Variants in SH2D4A observed in about 807,000 individuals in gnomAD.
The protein encoded by SH2D4A is SH2 domain-containing protein 4A.
Under a neutral mutation model 64.7 loss-of-function variants are expected in SH2D4A, and 70 were observed. The ratio of observed to expected loss-of-function variants is 1.08; its 90% CI spans 0.89 to 1.32. The LOEUF (loss-of-function observed/expected upper bound fraction) is 1.32. Among genes scored for constraint, SH2D4A ranks in the 40% most tolerant of loss-of-function variants. The pLI is 0.00. For missense variants in SH2D4A, 706 were observed against 540.1 expected, an observed-to-expected ratio of 1.31 and a Z score of -3.04; for synonymous variants, 268 against 200.7, an observed-to-expected ratio of 1.34 and a Z score of -2.83.
chr8:19,390,632 A>G (rs1270261493), intron 8 of SH2D4A, among the ~76,000 whole-genome samples: 5 of 152,208 alleles, frequency 3.3e-5, no homozygotes, highest in African/African-American at 1.2e-4. Context: ...CAAAAAAAGC[A>G]AAGACAAACT....
intron 8 of SH2D4A, among the ~76,000 whole-genome samples, chr8:19,381,223 T>C (rs1409840425): frequency 6.6e-6 from 1 of 152,134 alleles, no homozygotes; most frequent in East Asian, 1.9e-4. Context: ...CTAATTTTTG[T>C]ATTTTTAGTA....
At chr8:19,344,476 T>G (rs1248132175) in intron 4 of SH2D4A, among the ~76,000 whole-genome samples, 1 of 152,180 alleles carries the variant, frequency 6.6e-6, no homozygotes, top group African/African-American at 2.4e-5. Flanking sequence ...TACTTCTTCT[T>G]CTGCTGTCTC....
chr8:19,331,393 G>A (rs1177412937), intron 2 of SH2D4A, among the ~76,000 whole-genome samples: 2 of 152,182 alleles, frequency 1.3e-5, no homozygotes, highest in Non-Finnish European at 2.9e-5. Context: ...TTGGGGTCTT[G>A]ACTAGAGGTC....
At chr8:19,360,958 G>T (rs557893719) in intron 5 of SH2D4A, 1 of 266,856 alleles carries the variant, frequency 3.7e-6, no homozygotes, top group Non-Finnish European at 7.1e-6. Flanking sequence ...TTTCTTATGG[G>T]GAAACAGCCC....
chr8:19,356,960 C>G (rs190885141), intron 4 of SH2D4A, among the ~76,000 whole-genome samples: 59 of 152,326 alleles, frequency 3.9e-4, no homozygotes, highest in African/African-American at 1.3e-3. Context: ...ACCAAACCAC[C>G]AGCTCCTCGC....
chr8:19,344,522 G>C (rs905936819), intron 4 of SH2D4A, among the ~76,000 whole-genome samples: 5 of 152,050 alleles, frequency 3.3e-5, no homozygotes, highest in African/African-American at 4.8e-5. Flanking sequence ...CTTTGCTTTC[G>C]AAGAGCGCCT....
intron 4 of SH2D4A, among the ~76,000 whole-genome samples, chr8:19,354,535 G>A (rs894030511): frequency 1.3e-5 from 2 of 152,042 alleles, no homozygotes; most frequent in African/African-American, 2.4e-5. Flanking sequence ...ATTCATAACC[G>A]CGTCAGATCT....
intron 8 of SH2D4A, among the ~76,000 whole-genome samples, chr8:19,387,489 G>T (rs1404865653): frequency 4.6e-5 from 7 of 152,206 alleles, no homozygotes; most frequent in Non-Finnish European, 1.0e-4. Flanking sequence ...ATCCTCCCGC[G>T]TCAGCCTCCC....
At chr8:19,383,680 C>A (rs2053337553) in intron 8 of SH2D4A, among the ~76,000 whole-genome samples, 1 of 152,020 alleles carries the variant, frequency 6.6e-6, no homozygotes, top group Non-Finnish European at 1.5e-5. Context: ...TGTCAAGGAT[C>A]AGCCTGAGGT....
chr8:19,326,626 C>T (rs2117190876), intron 2 of SH2D4A, among the ~76,000 whole-genome samples: 1 of 151,414 alleles, frequency 6.6e-6, no homozygotes, highest in South Asian at 2.1e-4. Flanking sequence ...CCCTTTCTCT[C>T]TGTTCTCTTC....
At chr8:19,380,011 CA>C (rs1269233187) in intron 8 of SH2D4A, among the ~76,000 whole-genome samples, 7 of 152,192 alleles carry the variant, frequency 4.6e-5, no homozygotes, top group Non-Finnish European at 7.3e-5. Context: ...ACTGAGATTA[CA>C]GGCATGAGTC....
chr8:19,326,439 G>C (rs546461058), intron 2 of SH2D4A, among the ~76,000 whole-genome samples: 1 of 152,290 alleles, frequency 6.6e-6, no homozygotes, highest in South Asian at 2.1e-4. Flanking sequence ...AACAACCTTG[G>C]TGTTGGTGGG....
intron 8 of SH2D4A, chr8:19,375,475 A>G (rs529327741): frequency 1.3e-5 from 2 of 152,088 alleles, no homozygotes; most frequent in African/African-American, 4.8e-5. Flanking sequence ...TCACTCCACA[A>G]AGTTTTATGC....
At chr8:19,393,847 T>A (rs1333490878) in intron 9 of SH2D4A, among the ~76,000 whole-genome samples, 1 of 152,230 alleles carries the variant, frequency 6.6e-6, no homozygotes, top group Non-Finnish European at 1.5e-5. Context: ...CCAAACTTTG[T>A]GACACCAGTT....
intron 1 of SH2D4A, among the ~76,000 whole-genome samples, chr8:19,314,377 C>T (rs1484014145): frequency 1.3e-5 from 2 of 152,020 alleles, no homozygotes; most frequent in Non-Finnish European, 2.9e-5. Flanking sequence ...CGCGCACCGG[C>T]ACCCAGGGGC....
intron 7 of SH2D4A, among the ~76,000 whole-genome samples, chr8:19,368,256 A>G (rs950404802): frequency 6.6e-6 from 1 of 152,088 alleles, no homozygotes; most frequent in Non-Finnish European, 1.5e-5. Context: ...TTTGATTACT[A>G]TAGATTTGTA....
At chr8:19,328,212 G>A (rs2052312845) in intron 2 of SH2D4A, among the ~76,000 whole-genome samples, 2 of 152,124 alleles carry the variant, frequency 1.3e-5, no homozygotes, top group African/African-American at 4.8e-5. Context: ...CTTCAATAAC[G>A]CCACCTATAG....
chr8:19,348,091 G>T (rs376097149), intron 4 of SH2D4A, among the ~76,000 whole-genome samples: 1 of 152,120 alleles, frequency 6.6e-6, no homozygotes, highest in African/African-American at 2.4e-5. Context: ...CAGTTTTTGT[G>T]TGCGTGTGTG....
intron 1 of SH2D4A, chr8:19,314,103 G>A: frequency 5.1e-6 from 6 of 1,165,590 alleles, no homozygotes; most frequent in Non-Finnish European, 6.3e-6. Context: ...CCCGGGGCCT[G>A]GGGGCTTGCA....
Sources: allele counts gnomAD v4.1 joint callset (sites outside exome capture counted in the v4.1 genomes callset), GRCh38; gene constraint gnomAD v4.1.1; transcripts MANE v1.5; gene names NCBI Gene and HGNC (gene_info 2026-07-23, HGNC 2026-07-21).